EVC: variants seen among roughly 807,000 people sequenced by gnomAD.
EVC encodes the protein evC complex member EVC.
EVC carries 116 observed loss-of-function variants against 118.9 expected under a neutral mutation model. The observed-to-expected ratio is 0.98, with a 90% confidence interval of 0.84 to 1.14. The LOEUF (loss-of-function observed/expected upper bound fraction) is 1.14. Among genes scored for constraint, EVC ranks in the 50% most tolerant of loss-of-function variants. The probability of loss-of-function intolerance (pLI) is 0.00; values close to 1 mark genes in which losing one functional copy is unlikely to be tolerated. For missense variants in EVC, 1,401 were observed against 1,246.4 expected, an observed-to-expected ratio of 1.12 and a Z score of -1.87; for synonymous variants, 619 against 534.7, an observed-to-expected ratio of 1.16 and a Z score of -2.18.
downstream of EVC, among the ~76,000 whole-genome samples, chr4:5,816,896 G>C (rs1236763963): frequency 6.6e-6 from 1 of 152,138 alleles, no homozygotes; most frequent in Non-Finnish European, 1.5e-5. Flanking sequence ...CTCAGGCTTA[G>C]TTGACCCTTC....
intron 12 of EVC, among the ~76,000 whole-genome samples, chr4:5,784,853 C>G (rs1736183966): frequency 6.6e-6 from 1 of 152,138 alleles, no homozygotes; most frequent in Non-Finnish European, 1.5e-5. Context: ...AGTGATCTGC[C>G]CGCCTTAGCC....
intron 11 of EVC, among the ~76,000 whole-genome samples, chr4:5,763,534 C>T (rs1732400207): frequency 7.0e-6 from 1 of 141,920 alleles, no homozygotes; most frequent in African/African-American, 2.7e-5. Flanking sequence ...TACCCATGAG[C>T]ATGGAATGTT....
At chr4:5,810,763 T>C (rs1326485124) in intron 20 of EVC, among the ~76,000 whole-genome samples, 190 bp from the exon 21 acceptor site, 1 of 152,226 alleles carries the variant, frequency 6.6e-6, no homozygotes, top group African/African-American at 2.4e-5. Flanking sequence ...GCTGTGGTCA[T>C]GGCACTTGGA....
intron 11 of EVC, among the ~76,000 whole-genome samples, chr4:5,763,135 C>T: frequency 1.1e-5 from 1 of 88,482 alleles, no homozygotes; most frequent in Non-Finnish European, 2.3e-5. Context: ...AGCCAATTTT[C>T]CCAGCACCAT....
chr4:5,736,333 G>A (rs1397547932), intron 5 of EVC, among the ~76,000 whole-genome samples: 1 of 152,094 alleles, frequency 6.6e-6, no homozygotes, highest in Non-Finnish European at 1.5e-5. Context: ...ATAAAGATGG[G>A]TGAAAACTGA....
At chr4:5,815,682 A>G (rs1717559150), downstream of EVC, among the ~76,000 whole-genome samples, 1 of 152,114 alleles carries the variant, frequency 6.6e-6, no homozygotes, top group Non-Finnish European at 1.5e-5. Flanking sequence ...CTCTATGGAA[A>G]CCAGAGGAGT....
intron 2 of EVC, among the ~76,000 whole-genome samples, chr4:5,728,836 T>C (rs1726294367): frequency 6.6e-6 from 1 of 152,250 alleles, no homozygotes; most frequent in African/African-American, 2.4e-5. Context: ...TAATTAGTCT[T>C]AAGTTATTCA....
chr4:5,729,173 A>T, intron 2 of EVC, 134 bp from the exon 3 acceptor site: 1 of 789,242 alleles, frequency 1.3e-6, no homozygotes, highest in Non-Finnish European at 2.2e-6. Flanking sequence ...AGCTAATATG[A>T]ATCTAAATGT....
In EVC at chr4:5,797,242, G is replaced by A; in HGVS notation, c.2097+10G>A. ...GCTGCTCAGGGCCCTGGTAAGACCA[G>A]CATGGTGGCCCCACCCATTCCAGAC... On this transcript the variant is annotated intron_variant, in intron 14 of 20. Coordinates refer to ENST00000264956, the MANE Select transcript of EVC (RefSeq NM_153717.3). 1 of 1,596,238 alleles carries A rather than the reference G, an allele frequency of 6.3e-7. No individual in the cohort carries two copies. The highest frequency in any genetic ancestry group is 8.5e-7 in the Non-Finnish European group (1 of 1,172,052).
At chr4:5,766,678 TC>T (rs1203836365) in intron 11 of EVC, among the ~76,000 whole-genome samples, 1 of 139,956 alleles carries the variant, frequency 7.1e-6, no homozygotes, top group African/African-American at 2.7e-5. Flanking sequence ...TGATACCCTT[TC>T]TTCCAGTTGA....
At chr4:5,714,238 A>G (rs1723571741) in intron 1 of EVC, among the ~76,000 whole-genome samples, 2 of 151,482 alleles carry the variant, frequency 1.3e-5, no homozygotes, top group Non-Finnish European at 2.9e-5. Context: ...CCTCTGTTCC[A>G]AGTCACAATT....
intron 11 of EVC, among the ~76,000 whole-genome samples, chr4:5,768,996 T>A (rs1349461220): frequency 6.6e-6 from 1 of 152,122 alleles, no homozygotes; most frequent in African/African-American, 2.4e-5. Context: ...TTTTACCCCT[T>A]CTTTGGGCAT....
In EVC at chr4:5,755,959, A is replaced by G. The variant is rs1560347316; in HGVS notation, c.1465-305A>G. Among the ~76,000 whole-genome samples, 1 of 152,110 alleles carries G rather than the reference A, an allele frequency of 6.6e-6. No individual in the cohort carries two copies. Among genetic ancestry groups the G allele is most frequent in the Non-Finnish European group, 1.5e-5 (1 of 68,020 alleles). ...TCTTCCATGGCCTGGGTGGTCAGAA[A>G]GTGATGTCTGGGTGGCTGCAGCCAG... On this transcript the variant is annotated intron_variant, in intron 10 of 20. Coordinates refer to ENST00000264956, the MANE Select transcript of EVC (RefSeq NM_153717.3). This position sits in a 1 kb window ranked among gnomAD's most constrained non-coding sequence, Gnocchi z 4.1.
At chr4:5,733,564 G>A in intron 5 of EVC, 129 bp downstream of exon 5, 1 of 848,240 alleles carries the variant, frequency 1.2e-6, no homozygotes, top group Non-Finnish European at 2.0e-6. Context: ...GCTGTGAGGT[G>A]GGGGAAAGCG....
intron 8 of EVC, among the ~76,000 whole-genome samples, chr4:5,748,583 CCCATCCATCCAT>C (rs1282932713): frequency 1.2e-5 from 1 of 80,932 alleles, no homozygotes; most frequent in Non-Finnish European, 2.6e-5. Flanking sequence ...CATCCATCCA[CCCATCCATCCAT>C]CCATCCACCC....
At chr4:5,757,394 G>A (rs563212421) in intron 11 of EVC, among the ~76,000 whole-genome samples, 11 of 152,230 alleles carry the variant, frequency 7.2e-5, no homozygotes, top group African/African-American at 9.6e-5. Flanking sequence ...GGTGGGAAGT[G>A]CAACTCCTCA....
At position 5,729,672 on chromosome 4, in the gene EVC, C is replaced by T. The variant is rs116362495; in HGVS notation, c.384+282C>T. Reference sequence around the variant, plus strand: ...TTAACACTAATACAAACACTGATACCGACTCAGTTCTGAGCGCTAATCCTC... The same window carrying T: ...TTAACACTAATACAAACACTGATACTGACTCAGTTCTGAGCGCTAATCCTC... On this transcript the variant is annotated intron_variant, in intron 3 of 20. Transcript: ENST00000264956. Among the ~76,000 whole-genome samples the T allele has an allele frequency of 6.2e-3, 947 of 152,206 alleles. 15 individuals are homozygous for T. The highest frequency in any genetic ancestry group is 0.022 in the African/African-American group (906 of 41,526).
intron 11 of EVC, among the ~76,000 whole-genome samples, chr4:5,780,106 G>T (rs1735348439): frequency 6.6e-6 from 1 of 152,090 alleles, no homozygotes; most frequent in African/African-American, 2.4e-5. Context: ...TAATCATGTG[G>T]TTTTTGTCTT....
At chr4:5,730,955 C>T (rs1726713175) in intron 3 of EVC, among the ~76,000 whole-genome samples, 4 of 151,500 alleles carry the variant, frequency 2.6e-5, no homozygotes, top group African/African-American at 9.7e-5. Flanking sequence ...TGATTAGGAG[C>T]GTGGAGCCTG....
Sources: allele counts gnomAD v4.1 joint callset (sites outside exome capture counted in the v4.1 genomes callset), GRCh38; gene constraint gnomAD v4.1.1; non-coding constraint Gnocchi (gnomAD v3.1); transcripts MANE v1.5; gene names NCBI Gene and HGNC (gene_info 2026-07-23, HGNC 2026-07-21).